The following HIP1 variants were observed in gnomAD, a reference collection of about 807,000 sequenced individuals.
HIP1 encodes huntingtin interacting protein 1.
In HIP1, 65 loss-of-function variants were observed where a neutral mutation model predicts 147.6. The observed-to-expected ratio is 0.44, with a 90% CI of 0.36 to 0.54. The LOEUF (loss-of-function observed/expected upper bound fraction) is 0.54, where lower values mean the gene tolerates loss of function less well. Ranked by LOEUF, HIP1 falls within the 20% of genes least tolerant of loss-of-function variation. HIP1 has a pLI of 0.00. For missense variants in HIP1, 1,061 were observed against 1,299.6 expected (o/e 0.82, Z 2.82); for synonymous variants, 479 against 504.0 (o/e 0.95, Z 0.67).
At chr7:75,730,892 G>A (rs1447727484) in intron 1 of HIP1, among the ~76,000 whole-genome samples, 5 of 151,020 alleles carry the variant, frequency 3.3e-5, no homozygotes, top group South Asian at 2.1e-4. Flanking sequence ...GCACCACCAC[G>A]CCCAGCTAAT....
At chr7:75,585,787 C>T (rs978592754) in intron 5 of HIP1, among the ~76,000 whole-genome samples, 19 of 152,194 alleles carry the variant, frequency 1.2e-4, no homozygotes, top group African/African-American at 4.6e-4. Flanking sequence ...TCGCCTCCCC[C>T]ACCTCACACT....
chr7:75,558,197 C>G lies in HIP1; in HGVS notation c.1434G>C (p.Leu478=). Residue 478 remains leucine (L), a synonymous_variant, in exon 15 of 31, where the codon CTG becomes CTC. Coordinates refer to ENST00000336926, the MANE Select transcript of HIP1 (RefSeq NM_005338.7). ...YSKLKEKYSE[L]VQNHADLLRK... ...GCAGCAGGTCAGCGTGGTTCTGAACCAGCTCGCTGTACTTCTCCTTTAGCT... is the reference window on the plus strand; with the variant it reads ...GCAGCAGGTCAGCGTGGTTCTGAACGAGCTCGCTGTACTTCTCCTTTAGCT... 6.2e-7 allele frequency: 1 copy of G among 1,614,198 alleles called. No homozygotes were observed. Among genetic ancestry groups the G allele is most frequent in the South Asian group, 1.1e-5 (1 of 91,088 alleles).
intron 1 of HIP1, among the ~76,000 whole-genome samples, chr7:75,692,077 C>T (rs183800006): frequency 1.3e-5 from 2 of 152,250 alleles, no homozygotes; most frequent in East Asian, 3.9e-4. Context: ...TTACAACCAA[C>T]CAACCAACTG....
At chr7:75,704,601 G>A (rs905163727) in intron 1 of HIP1, among the ~76,000 whole-genome samples, 1 of 151,204 alleles carries the variant, frequency 6.6e-6, no homozygotes, top group Non-Finnish European at 1.5e-5. Flanking sequence ...TGTTTGAGAC[G>A]GAGTCTCACT....
chr7:75,571,782 C>G (rs587650027), intron 8 of HIP1, among the ~76,000 whole-genome samples: 1 of 152,186 alleles, frequency 6.6e-6, no homozygotes, highest in South Asian at 2.1e-4. Context: ...AGGGATTTCA[C>G]TATGTTGCTC....
At chr7:75,634,260 T>TA (rs34295314) in intron 1 of HIP1, among the ~76,000 whole-genome samples, 18,717 of 143,648 alleles carry the variant, frequency 0.13, 1,746 homozygotes, top group African/African-American at 0.28. Context: ...ACCTTGTCTC[T>TA]AAAAAAAAAA....
chr7:75,733,156 G>A (rs1801891297), intron 1 of HIP1, among the ~76,000 whole-genome samples: 1 of 152,180 alleles, frequency 6.6e-6, no homozygotes. Context: ...CTCTTGGCTG[G>A]TGGGAGGACA....
intron 1 of HIP1, among the ~76,000 whole-genome samples, chr7:75,729,579 A>G (rs1801768231): frequency 6.6e-6 from 1 of 152,128 alleles, no homozygotes; most frequent in South Asian, 2.1e-4. Flanking sequence ...TGAGGTCAGG[A>G]GTTCGAGACC....
intron 1 of HIP1, among the ~76,000 whole-genome samples, chr7:75,602,248 G>A (rs1173646325): frequency 2.8e-5 from 4 of 143,502 alleles, no homozygotes; most frequent in Non-Finnish European, 4.5e-5. Context: ...TGATCCACCC[G>A]CCTCGGCCTC....
chr7:75,618,109 C>A (rs1036321924), intron 1 of HIP1, among the ~76,000 whole-genome samples: 1 of 152,328 alleles, frequency 6.6e-6, no homozygotes, highest in Non-Finnish European at 1.5e-5. Context: ...AACTTCCTCT[C>A]TTCATGCCCT....
chr7:75,601,807 A>C (rs1028468128), intron 1 of HIP1, among the ~76,000 whole-genome samples: 1 of 152,024 alleles, frequency 6.6e-6, no homozygotes, highest in Non-Finnish European at 1.5e-5. Flanking sequence ...TCTTTGCAGA[A>C]AATGCTGACC....
chr7:75,606,751 C>T (rs1035405572), intron 1 of HIP1, among the ~76,000 whole-genome samples: 4 of 152,144 alleles, frequency 2.6e-5, no homozygotes, highest in South Asian at 2.1e-4. Context: ...AGTGAACTAG[C>T]GGTAACGGTG....
In HIP1 at chr7:75,563,047, G is replaced by A; in HGVS notation, c.908C>T (p.Ala303Val). Reference protein sequence around the residue: ...ENPPNFLRASALSEHISPVVV... With the variant: ...ENPPNFLRASVLSEHISPVVV... ...CACAGGGCTGATATGTTCTGACAGG[G>A]CTGAGGCTCGCAGGAAGTTGGGTGG... The change falls in exon 11 of 31, where the codon GCC (alanine) becomes GTC (valine). Residue 303 changes from alanine to valine, a missense_variant. Coordinates refer to ENST00000336926, the MANE Select transcript of HIP1 (RefSeq NM_005338.7). 1 of 1,614,210 alleles carries A rather than the reference G, an allele frequency of 6.2e-7. No individual in the cohort carries two copies. The highest frequency in any genetic ancestry group is 8.5e-7 in the Non-Finnish European group (1 of 1,180,046).
chr7:75,598,471 A>G (rs1380076508), intron 2 of HIP1, among the ~76,000 whole-genome samples: 1 of 149,802 alleles, frequency 6.7e-6, no homozygotes, highest in Non-Finnish European at 1.5e-5. Flanking sequence ...ATAACTATTG[A>G]TTATGCAACC....
chr7:75,675,916 A>C (rs1799871763), intron 1 of HIP1, among the ~76,000 whole-genome samples: 1 of 152,092 alleles, frequency 6.6e-6, no homozygotes, highest in South Asian at 2.1e-4. Flanking sequence ...TAAATAAATA[A>C]ATTGTCGAAT....
chr7:75,562,774 A>G (rs782189771), intron 11 of HIP1, among the ~76,000 whole-genome samples, 161 bp downstream of exon 11: 15 of 152,200 alleles, frequency 9.9e-5, no homozygotes, highest in Non-Finnish European at 1.9e-4. Context: ...CCCTTCTGGG[A>G]GCCACAGAGC....
rs55982331 is a variant in HIP1 at position 75,717,676 on chromosome 7, C to CA, written c.120+21124dup. Among the ~76,000 whole-genome samples, 182 of 117,702 alleles carry CA rather than the reference C, an allele frequency of 1.5e-3. 3 individuals carry two copies. Among genetic ancestry groups the CA allele is most frequent in the African/African-American group, 4.1e-3 (119 of 29,012 alleles). 77.2% of individuals were successfully genotyped at this position (117,702 alleles called of 152,430 possible). A position where few individuals can be genotyped will look rare whatever the true frequency, so the allele number is the denominator to read the frequency against. ...GTGAAACCTGTCTCTACTAAAAATA[C>CA]AAAAAAAAAAAAGACCAGGCGCGGT... On this transcript the variant is annotated intron_variant, in intron 1 of 30. Transcript: ENST00000336926.
At chr7:75,731,285 C>A (rs1213641082) in intron 1 of HIP1, among the ~76,000 whole-genome samples, 2 of 151,550 alleles carry the variant, frequency 1.3e-5, no homozygotes, top group African/African-American at 4.8e-5. Context: ...GAGTTAGAGA[C>A]CAGCCTGGCC....
At chr7:75,583,754 ATTTGTG>A (rs1470539357) in intron 5 of HIP1, among the ~76,000 whole-genome samples, 68 of 83,612 alleles carry the variant, frequency 8.1e-4, no homozygotes, top group African/African-American at 1.9e-3. Context: ...ATGCGGGCTA[ATTTGTG>A]TGTGTGTGTG....
Sources: gnomAD v4.1 joint callset for allele counts (sites outside exome capture counted in the v4.1 genomes callset) on GRCh38, gnomAD v4.1.1 for gene constraint, MANE v1.5 for transcripts, NCBI Gene and HGNC (gene_info 2026-07-23, HGNC 2026-07-21) for gene names.